Variants in GSTO1 observed in about 807,000 individuals in gnomAD.
The protein encoded by GSTO1 is glutathione S-transferase omega-1.
GSTO1 carries 27 observed loss-of-function variants against 23.8 expected under a neutral mutation model. The observed-to-expected ratio is 1.13, with a 90% CI of 0.83 to 1.56. The LOEUF (loss-of-function observed/expected upper bound fraction) is 1.56, where lower values mean the gene tolerates loss of function less well. Ranked by LOEUF, GSTO1 falls within the 40% of genes most tolerant of loss-of-function variation. The pLI, the probability that GSTO1 is intolerant of heterozygous loss-of-function variation, is 0.00. For missense variants in GSTO1, 255 were observed against 285.8 expected (o/e 0.89, Z 0.78); for synonymous variants, 105 against 109.3 (o/e 0.96, Z 0.25).
chr10:104,263,337 A>G (rs1175921966), intron 4 of GSTO1, among the ~76,000 whole-genome samples: 2 of 152,240 alleles, frequency 1.3e-5, no homozygotes, highest in Non-Finnish European at 2.9e-5. Context: ...ATAACAAGGA[A>G]AAAGGAAATT....
intron 5 of GSTO1, among the ~76,000 whole-genome samples, chr10:104,266,683 G>C (rs1272948633): frequency 6.6e-6 from 1 of 151,220 alleles, no homozygotes; most frequent in Non-Finnish European, 1.5e-5. Flanking sequence ...GCAGTGAGCT[G>C]AGATCATGTC....
chr10:104,262,474 G>C (rs2011145962), intron 3 of GSTO1, among the ~76,000 whole-genome samples: 1 of 152,214 alleles, frequency 6.6e-6, no homozygotes, highest in Non-Finnish European at 1.5e-5. Context: ...ACTTTGGGAG[G>C]CTGAGGCAGA....
intron 2 of GSTO1, among the ~76,000 whole-genome samples, chr10:104,257,084 T>C (rs751584927): frequency 2.6e-5 from 4 of 152,136 alleles, no homozygotes; most frequent in Non-Finnish European, 5.9e-5. Flanking sequence ...ACAAAAGGTA[T>C]TGGTGTCTAT....
intron 1 of GSTO1, 97 bp downstream of exon 1, chr10:104,255,059 C>T (rs1031914887): frequency 3.4e-6 from 5 of 1,453,978 alleles, no homozygotes; most frequent in African/African-American, 1.4e-5. Context: ...GAGCGCCCCA[C>T]CGGCGGGGAA....
At position 104,266,144 on chromosome 10, in the gene GSTO1, C is replaced by T. The variant is rs780689474; in HGVS notation, c.526C>T (p.Leu176Phe). Reference sequence around the variant, plus strand: ...CAATTCTATCTCTATGATTGATTACCTCATCTGGCCCTGGTTTGAACGGCT... The same window carrying T: ...CAATTCTATCTCTATGATTGATTACTTCATCTGGCCCTGGTTTGAACGGCT... ...GGNSISMIDY[L>F]IWPWFERLEA... The change falls in exon 5 of 6, where the codon CTC becomes TTC. Residue 176 changes from leucine (L) to phenylalanine (F), a missense_variant. By Grantham distance (22) the Leu-to-Phe change is conservative. Transcript: ENST00000369713. The T allele has an allele frequency of 5.0e-6, 8 of 1,611,240 alleles. No homozygotes were observed. The highest frequency in any genetic ancestry group is 6.8e-6 in the Non-Finnish European group (8 of 1,177,438).
Position 104,259,760 on chromosome 10 carries a change from A to G in GSTO1, c.328A>G (p.Lys110Glu), listed in dbSNP as rs760491652. 3 of 1,613,644 alleles carry G rather than the reference A, an allele frequency of 1.9e-6. No homozygotes were observed. The highest frequency in any genetic ancestry group is 1.7e-5 in the Admixed American group (1 of 60,020). ...KKLLPDDPYEKACQKMILELF... is the reference protein window; with the variant it reads ...KKLLPDDPYEEACQKMILELF... ...GCTGTTGCCGGATGACCCCTATGAGAAAGCTTGCCAGAAGATGATCTTAGA... is the reference window on the plus strand; with the variant it reads ...GCTGTTGCCGGATGACCCCTATGAGGAAGCTTGCCAGAAGATGATCTTAGA... The change falls in exon 3 of 6, where the codon AAA becomes GAA. Residue 110 changes from lysine (K) to glutamate (E), a missense_variant. Physicochemically the swap from Lys to Glu is moderately conservative, Grantham distance 56. Transcript: ENST00000369713.
chr10:104,258,683 G>A (rs2011112848), intron 2 of GSTO1, among the ~76,000 whole-genome samples: 1 of 152,116 alleles, frequency 6.6e-6, no homozygotes, highest in Non-Finnish European at 1.5e-5. Context: ...CAACATGGCA[G>A]AATCCTGTCT....
intron 2 of GSTO1, among the ~76,000 whole-genome samples, chr10:104,258,065 T>C (rs1301455343): frequency 6.6e-6 from 1 of 152,184 alleles, no homozygotes; most frequent in Admixed American, 6.5e-5. Flanking sequence ...AGCAAAGTAA[T>C]TTCAGATACA....
At chr10:104,259,944 C>T (rs1033276199) in intron 3 of GSTO1, 146 bp downstream of exon 3, 15 of 626,002 alleles carry the variant, frequency 2.4e-5, no homozygotes, top group Non-Finnish European at 4.0e-5. Flanking sequence ...CAAGTCCTTT[C>T]ACGATCCAGT....
At chr10:104,259,312 A>G (rs943693392) in intron 2 of GSTO1, among the ~76,000 whole-genome samples, 5 of 152,248 alleles carry the variant, frequency 3.3e-5, no homozygotes, top group Admixed American at 6.5e-5. Flanking sequence ...AAATTCTGCA[A>G]TATGTGACAA....
At chr10:104,255,719 G>A (rs952814174) in intron 2 of GSTO1, among the ~76,000 whole-genome samples, 1 of 152,204 alleles carries the variant, frequency 6.6e-6, no homozygotes, top group Non-Finnish European at 1.5e-5. Flanking sequence ...CAGTACAGCA[G>A]AGTTTAGACC....
rs756310087 is a variant in GSTO1, at chr10:104,255,254, G to C, written c.126G>C (p.Leu42=). 3 of 1,610,364 alleles carry C rather than the reference G, an allele frequency of 1.9e-6. No individual in the cohort carries two copies. The highest frequency in any genetic ancestry group is 2.7e-5 in the African/African-American group (2 of 74,852). The change falls in exon 2 of 6, where the codon CTG becomes CTC. Residue 42 remains leucine, a synonymous_variant. Transcript: ENST00000369713. ...TTGCTGAGAGGACGCGTCTAGTCCT[G>C]AAGGCCAAGGGAATCAGGTGGGCAC... ...CPFAERTRLV[L]KAKGIRHEVI... is the part of the protein sequence containing the mutation.
intron 2 of GSTO1, among the ~76,000 whole-genome samples, chr10:104,258,376 G>A (rs1365541453): frequency 6.6e-6 from 1 of 152,118 alleles, no homozygotes; most frequent in Non-Finnish European, 1.5e-5. Flanking sequence ...CAGGCAACAA[G>A]ACCAAAAATA....
intron 5 of GSTO1, among the ~76,000 whole-genome samples, chr10:104,266,557 T>C (rs978216460): frequency 1.3e-5 from 2 of 152,134 alleles, no homozygotes; most frequent in African/African-American, 2.4e-5. Flanking sequence ...GCCAATGTGG[T>C]GAAACCCCAT....
chr10:104,254,666 T>TACGG, upstream of GSTO1: 1 of 566,110 alleles, frequency 1.8e-6, no homozygotes, highest in South Asian at 2.0e-5. Flanking sequence ...GGCGGAGGGA[T>TACGG]GACTGAGCAT....
chr10:104,265,547 G>T (rs2011172277), intron 4 of GSTO1, among the ~76,000 whole-genome samples: 1 of 152,166 alleles, frequency 6.6e-6, no homozygotes, highest in Non-Finnish European at 1.5e-5. Flanking sequence ...TTAAAACATG[G>T]TTGTACCAAT....
chr10:104,265,590 G>C (rs2135067289), intron 4 of GSTO1, among the ~76,000 whole-genome samples: 1 of 152,278 alleles, frequency 6.6e-6, no homozygotes, highest in East Asian at 1.9e-4. Flanking sequence ...CCATACCCTT[G>C]CCAACTTCAT....
chr10:104,254,366 A>C (rs2091591093), upstream of GSTO1: 1 of 154,882 alleles, frequency 6.5e-6, no homozygotes, highest in Admixed American at 6.3e-5. Context: ...TTAGCAACAA[A>C]ATGGGAGGCA....
chr10:104,266,173 A>T lies in GSTO1; in HGVS notation c.555A>T (p.Glu185Asp). Residue 185 changes from glutamate to aspartate, a missense_variant, in exon 5 of 6, where the codon GAA (glutamate) becomes GAT (aspartate). By Grantham distance (45) the Glu-to-Asp change is conservative. Coordinates refer to ENST00000369713, the MANE Select transcript of GSTO1 (RefSeq NM_004832.3). The part of the protein sequence containing the change: ...YLIWPWFERL[E>D]AMKLNECVDH... The stretch of plus-strand genomic sequence containing the variant: ...TCTGGCCCTGGTTTGAACGGCTGGA[A>T]GCAATGAAGTTAAATGAGTAAGATA... The T allele has an allele frequency of 6.3e-7, 1 of 1,589,414 alleles. No homozygotes were observed.
Sources: allele counts gnomAD v4.1 joint callset (sites outside exome capture counted in the v4.1 genomes callset), GRCh38; gene constraint gnomAD v4.1.1; transcripts MANE v1.5; gene names NCBI Gene and HGNC (gene_info 2026-07-23, HGNC 2026-07-21).